The following CPNE1 variants were observed in gnomAD, a reference collection of about 807,000 sequenced individuals.
The protein encoded by CPNE1 is copine-1.
A neutral mutation model predicts 63.2 loss-of-function variants in CPNE1; 58 were observed. The ratio of observed to expected loss-of-function variants is 0.92; its 90% CI spans 0.74 to 1.14. CPNE1 has a LOEUF of 1.14. CPNE1 is among the 50% of genes most tolerant of loss of function. The pLI, the probability that CPNE1 is intolerant of heterozygous loss-of-function variation, is 0.00. For missense variants in CPNE1, 672 were observed against 661.7 expected (o/e 1.02, Z -0.17); for synonymous variants, 237 against 249.0 (o/e 0.95, Z 0.45).
At chr20:35,659,098 C>A in intron 1 of CPNE1, 3 of 538,962 alleles carry the variant, frequency 5.6e-6, no homozygotes, top group Non-Finnish European at 1.0e-5. Context: ...ATTACGAAGG[C>A]GAGTCTGAAA....
At chr20:35,627,987 A>G in intron 13 of CPNE1, among the ~76,000 whole-genome samples, 1 of 139,402 alleles carries the variant, frequency 7.2e-6, no homozygotes. Context: ...CACTTAAAAA[A>G]TAAAAAAACT....
At position 35,626,193 on chromosome 20, in the gene CPNE1, G is replaced by T; in HGVS notation, c.*48C>A. 1 of 1,593,722 alleles carries T rather than the reference G, an allele frequency of 6.3e-7. No individual in the cohort carries two copies. Among genetic ancestry groups the T allele is most frequent in the South Asian group, 1.1e-5 (1 of 90,594 alleles). On this transcript the variant is annotated 3_prime_UTR_variant, in exon 16 of 16. Transcript: ENST00000397443. ...GAAGGGTTGGGTTGTGGCCCAGAGG[G>T]ACCTCTGGGACACAGGATTGAGGAC...
chr20:35,652,872 C>T (rs774983486), intron 1 of CPNE1: 1 of 1,612,942 alleles, frequency 6.2e-7, no homozygotes, highest in South Asian at 1.1e-5. Context: ...CACCCAAATG[C>T]CCAGGGGCAC....
At chr20:35,644,725 C>G (rs1375235479) in intron 1 of CPNE1, among the ~76,000 whole-genome samples, 1 of 152,348 alleles carries the variant, frequency 6.6e-6, no homozygotes, top group East Asian at 1.9e-4. Context: ...GCCACTACAA[C>G]AGCAGTGAGA....
At chr20:35,662,545 C>T (rs1215781482) in intron 1 of CPNE1, among the ~76,000 whole-genome samples, 1 of 152,218 alleles carries the variant, frequency 6.6e-6, no homozygotes. Flanking sequence ...CATCATCAGT[C>T]TCTGCATTTT....
intron 1 of CPNE1, among the ~76,000 whole-genome samples, chr20:35,634,227 C>A (rs1452112447): frequency 6.7e-6 from 1 of 148,176 alleles, no homozygotes; most frequent in Non-Finnish European, 1.5e-5. Context: ...CGCCACTGCA[C>A]TCCAGCCTGG....
At chr20:35,653,218 C>T (rs1434795709) in intron 1 of CPNE1, 1 of 1,613,572 alleles carries the variant, frequency 6.2e-7, no homozygotes, top group South Asian at 1.1e-5. Context: ...ATGCTCTTCA[C>T]CTCCTGCACT....
At chr20:35,658,774 G>A (rs192111934) in intron 1 of CPNE1, among the ~76,000 whole-genome samples, 84 of 148,338 alleles carry the variant, frequency 5.7e-4, no homozygotes, top group Admixed American at 4.5e-3. Flanking sequence ...GCAAGACTCC[G>A]TCTCAAAACA....
Position 35,631,753 on chromosome 20 carries a change from T to C in CPNE1, c.562A>G (p.Thr188Ala), listed in dbSNP as rs539253450. ...ACGGGGACTGAGAAACGCTTCCATGTAGGGTTCAGGTTGTTCTTGATGACC... is the reference window on the plus strand; with the variant it reads ...ACGGGGACTGAGAAACGCTTCCATGCAGGGTTCAGGTTGTTCTTGATGACC... ...SEVIKNNLNPTWKRFSVPVQH... is the reference protein window; with the variant it reads ...SEVIKNNLNPAWKRFSVPVQH... The change falls in exon 7 of 16, where the codon ACA (threonine) becomes GCA (alanine). Residue 188 changes from threonine (T) to alanine (A), a missense_variant. Coordinates refer to ENST00000397443, the MANE Select transcript of CPNE1 (RefSeq NM_152925.3). The C allele has an allele frequency of 1.2e-6, 2 of 1,613,880 alleles. No homozygotes were observed. Among genetic ancestry groups the C allele is most frequent in the African/African-American group, 2.7e-5 (2 of 74,850 alleles).
At chr20:35,626,927 C>A in intron 14 of CPNE1, 124 bp from the exon 15 acceptor site, 1 of 818,834 alleles carries the variant, frequency 1.2e-6, no homozygotes, top group Non-Finnish European at 2.1e-6. Flanking sequence ...ATGGCTCACA[C>A]CTGTAATCCC....
intron 1 of CPNE1, among the ~76,000 whole-genome samples, chr20:35,639,277 T>C (rs1162903310): frequency 6.6e-6 from 1 of 152,172 alleles, no homozygotes; most frequent in Non-Finnish European, 1.5e-5. Flanking sequence ...GGCGGATATA[T>C]GGGTATAATT....
chr20:35,654,648 C>G (rs139141819), intron 1 of CPNE1: 2 of 1,613,682 alleles, frequency 1.2e-6, no homozygotes, highest in Admixed American at 1.7e-5. Flanking sequence ...CTGGGGGAAT[C>G]GGGGGCACAG....
At chr20:35,663,656 G>A (rs1380527160) in intron 1 of CPNE1, among the ~76,000 whole-genome samples, 1 of 152,194 alleles carries the variant, frequency 6.6e-6, no homozygotes, top group Non-Finnish European at 1.5e-5. Flanking sequence ...ACACCACGCA[G>A]ATGAGTAAAT....
intron 1 of CPNE1, among the ~76,000 whole-genome samples, chr20:35,657,420 T>C (rs2033963248): frequency 6.6e-6 from 1 of 152,204 alleles, no homozygotes; most frequent in Admixed American, 6.5e-5. Flanking sequence ...TTAATCACTT[T>C]GTATAGGGGA....
chr20:35,635,829 G>C (rs1466908454), intron 1 of CPNE1, among the ~76,000 whole-genome samples: 1 of 152,124 alleles, frequency 6.6e-6, no homozygotes, highest in Admixed American at 6.6e-5. Flanking sequence ...TTTCCATCTG[G>C]AATGCTGTTA....
At chr20:35,655,510 T>C (rs542489463) in intron 1 of CPNE1, among the ~76,000 whole-genome samples, 3 of 152,374 alleles carry the variant, frequency 2.0e-5, no homozygotes, top group Admixed American at 6.5e-5. Flanking sequence ...TTACGTGCCA[T>C]TTACAATGTA....
chr20:35,642,553 A>ACACCAAC (rs1400801458), intron 1 of CPNE1, among the ~76,000 whole-genome samples: 3 of 152,174 alleles, frequency 2.0e-5, no homozygotes, highest in Non-Finnish European at 4.4e-5. Flanking sequence ...AAGACAAACT[A>ACACCAAC]CACCAACCAC....
chr20:35,661,882 G>A (rs2034248682), intron 1 of CPNE1, among the ~76,000 whole-genome samples: 1 of 152,174 alleles, frequency 6.6e-6, no homozygotes, highest in Admixed American at 6.5e-5. Flanking sequence ...AGCAGAGCTA[G>A]GTTCTTCAGA....
intron 1 of CPNE1, among the ~76,000 whole-genome samples, chr20:35,661,437 A>G (rs1428064561): frequency 6.6e-6 from 1 of 152,228 alleles, no homozygotes; most frequent in Non-Finnish European, 1.5e-5. Context: ...AACATCTAAA[A>G]TACATATTCT....
Sources: gnomAD v4.1 joint callset for allele counts (sites outside exome capture counted in the v4.1 genomes callset) on GRCh38, gnomAD v4.1.1 for gene constraint, MANE v1.5 for transcripts, NCBI Gene and HGNC (gene_info 2026-07-23, HGNC 2026-07-21) for gene names.